The following ZBTB20 variants were observed in gnomAD, a reference collection of about 807,000 sequenced individuals.
The protein encoded by ZBTB20 is zinc finger and BTB domain-containing protein 20.
ZBTB20 carries 9 observed loss-of-function variants against 56.9 expected under a neutral mutation model. That is an observed-to-expected ratio of 0.16 (90% confidence interval 0.10 to 0.28). The LOEUF (loss-of-function observed/expected upper bound fraction) is 0.28, where lower values mean the gene tolerates loss of function less well. Among genes scored for constraint, ZBTB20 ranks in the 10% least tolerant of loss-of-function variants. The pLI is 1.00. For missense variants in ZBTB20, 655 were observed against 1,003.0 expected, an observed-to-expected ratio of 0.65 and a Z score of 4.69; for synonymous variants, 417 against 420.7, an observed-to-expected ratio of 0.99 and a Z score of 0.11.
chr3:114,536,258 G>C (rs896807075), intron 6 of ZBTB20, among the ~76,000 whole-genome samples: 2 of 152,186 alleles, frequency 1.3e-5, no homozygotes, highest in Non-Finnish European at 2.9e-5. Context: ...CATCATCTCA[G>C]CTCAAAATCT....
chr3:114,461,158 C>T (rs575725389), intron 7 of ZBTB20, among the ~76,000 whole-genome samples: 1 of 152,114 alleles, frequency 6.6e-6, no homozygotes, highest in Admixed American at 6.5e-5. Context: ...TTCTTGAGTG[C>T]CAGAGACCTG....
chr3:114,476,662 T>C (rs1228901496), intron 7 of ZBTB20, among the ~76,000 whole-genome samples: 4 of 152,180 alleles, frequency 2.6e-5, no homozygotes, highest in Admixed American at 2.0e-4. Context: ...ACTCCTGCAG[T>C]GGTGGCATTC....
intron 2 of ZBTB20, among the ~76,000 whole-genome samples, chr3:115,011,764 T>C (rs2079723265): frequency 6.6e-6 from 1 of 151,824 alleles, no homozygotes; most frequent in Admixed American, 6.6e-5. Context: ...ACACAGAACA[T>C]TTTAATACTG....
chr3:114,534,993 A>G (rs2942792), intron 6 of ZBTB20, among the ~76,000 whole-genome samples: 41,537 of 151,994 alleles, frequency 0.27, 6,345 homozygotes, highest in African/African-American at 0.43. Flanking sequence ...CTAAACTAAT[A>G]TTTAGAGGGA....
chr3:114,415,090 C>G (rs1360382955), intron 7 of ZBTB20, among the ~76,000 whole-genome samples: 3 of 151,988 alleles, frequency 2.0e-5, no homozygotes, highest in Non-Finnish European at 2.9e-5. Flanking sequence ...AATGAAAAAT[C>G]AATGTGGTTT....
At chr3:114,844,668 T>A (rs2074598106) in intron 4 of ZBTB20, among the ~76,000 whole-genome samples, 1 of 151,350 alleles carries the variant, frequency 6.6e-6, no homozygotes, top group Admixed American at 6.6e-5. Context: ...ACCATTTTAC[T>A]TTACTGCCAG....
chr3:115,112,114 G>C (rs1401800876), intron 1 of ZBTB20, among the ~76,000 whole-genome samples: 4 of 151,900 alleles, frequency 2.6e-5, no homozygotes, highest in Non-Finnish European at 4.4e-5. Context: ...AAATTTTAAG[G>C]CTCTTCCATG....
At chr3:114,535,012 G>T (rs973441528) in intron 6 of ZBTB20, among the ~76,000 whole-genome samples, 2 of 152,154 alleles carry the variant, frequency 1.3e-5, no homozygotes, top group Non-Finnish European at 2.9e-5. Flanking sequence ...GAAATTTATA[G>T]CACTAAATGC....
intron 6 of ZBTB20, among the ~76,000 whole-genome samples, chr3:114,554,986 A>G (rs564185895): frequency 6.6e-6 from 1 of 152,144 alleles, no homozygotes; most frequent in African/African-American, 2.4e-5. Flanking sequence ...GTCAGCATCA[A>G]TTTAGGAGTA....
chr3:114,550,469 G>A (rs2110189505), intron 6 of ZBTB20, among the ~76,000 whole-genome samples: 1 of 152,294 alleles, frequency 6.6e-6, no homozygotes, highest in East Asian at 1.9e-4. Context: ...ACAGCTTTGA[G>A]TAAGCCTGAT....
intron 11 of ZBTB20, among the ~76,000 whole-genome samples, chr3:114,345,952 T>C (rs2080152213): frequency 6.6e-6 from 1 of 152,174 alleles, no homozygotes; most frequent in South Asian, 2.1e-4. Flanking sequence ...GTTTGTATTA[T>C]CTTTGTTTTT....
rs934990444 is a variant in ZBTB20 at position 114,995,233 on chromosome 3, A to G, written c.-506-20817T>C. ...TGCAATGACTAATTTCTGTAAAAAC[A>G]AAATTCAAGCAAATATGGCAAATGC... On this transcript the variant is annotated intron_variant, in intron 2 of 11. Transcript: ENST00000675478. Among the ~76,000 whole-genome samples, 6 of 152,072 alleles carry G rather than the reference A, an allele frequency of 3.9e-5. 1 individual carries two copies. The Middle Eastern group carries it at 0.014, about 345-fold the overall frequency.
intron 5 of ZBTB20, among the ~76,000 whole-genome samples, chr3:114,753,606 G>T (rs2067775586): frequency 6.6e-6 from 1 of 151,512 alleles, no homozygotes; most frequent in African/African-American, 2.4e-5. Context: ...AGCTAATTTT[G>T]CATTTTTAAT....
At chr3:114,989,013 A>G (rs1273102998) in intron 2 of ZBTB20, among the ~76,000 whole-genome samples, 1 of 152,164 alleles carries the variant, frequency 6.6e-6, no homozygotes, top group Admixed American at 6.5e-5. Flanking sequence ...CCTTTGTCAG[A>G]AGAGTAGATT....
rs558678535 is a variant in ZBTB20, at chr3:114,450,773, G to A, written c.-255+49579C>T. 1.2e-3 allele frequency among the ~76,000 whole-genome samples: 177 copies of A among 151,974 alleles called. 1 individual carries two copies. The highest frequency in any genetic ancestry group is 3.9e-3 in the African/African-American group (162 of 41,462). ...ACTAAAATCAGAACTCTCTAAAGCC[G>A]AAAAAGAAATACAACAAAAATTTAG... On this transcript the variant is annotated intron_variant, in intron 7 of 11. Coordinates refer to ENST00000675478, the MANE Select transcript of ZBTB20 (RefSeq NM_001348800.3).
intron 4 of ZBTB20, among the ~76,000 whole-genome samples, chr3:114,846,566 C>T (rs571940683): frequency 6.7e-4 from 102 of 152,260 alleles, no homozygotes; most frequent in Admixed American, 1.0e-3. Context: ...CAATCTGAGC[C>T]TAGTTCTTTT....
At chr3:114,938,764 A>G (rs1278913116) in intron 3 of ZBTB20, among the ~76,000 whole-genome samples, 2 of 145,644 alleles carry the variant, frequency 1.4e-5, no homozygotes, top group African/African-American at 5.7e-5. Flanking sequence ...TGGCACATGT[A>G]TACCTATGTA....
At position 114,988,001 on chromosome 3, in the gene ZBTB20, T is replaced by C. The variant is rs186788440; in HGVS notation, c.-506-13585A>G. 4.7e-3 allele frequency among the ~76,000 whole-genome samples: 713 copies of C among 152,232 alleles called. 3 individuals are homozygous for C. Among genetic ancestry groups the C allele is most frequent in the African/African-American group, 0.016 (671 of 41,566 alleles). ...ACTGTCTTATCAATGCCATCTCATC[T>C]ATTCCCTATCGTCTTCTTTTTTTTT... On this transcript the variant is annotated intron_variant, in intron 2 of 11. Coordinates refer to ENST00000675478, the MANE Select transcript of ZBTB20 (RefSeq NM_001348800.3).
intron 7 of ZBTB20, among the ~76,000 whole-genome samples, chr3:114,456,522 T>C (rs959242796): frequency 2.9e-4 from 44 of 152,314 alleles, no homozygotes; most frequent in African/African-American, 9.9e-4. Flanking sequence ...TCTTTCAGCA[T>C]ACTATGTAGT....
Sources: allele counts gnomAD v4.1 joint callset (sites outside exome capture counted in the v4.1 genomes callset), GRCh38; gene constraint gnomAD v4.1.1; transcripts MANE v1.5; gene names NCBI Gene and HGNC (gene_info 2026-07-23, HGNC 2026-07-21).